Variants in ITGB5 observed in about 807,000 individuals in gnomAD.
The protein encoded by ITGB5 is integrin beta-5.
Under a neutral mutation model 84.8 loss-of-function variants are expected in ITGB5, and 38 were observed. That is an observed-to-expected ratio of 0.45 (90% CI 0.35 to 0.59). The LOEUF is 0.59. ITGB5 is among the 20% of genes least tolerant of loss of function. ITGB5 has a pLI of 0.01. For synonymous variants in ITGB5, 393 were observed against 414.4 expected (o/e 0.95, Z 0.63); for missense variants, 905 against 1,034.5 (o/e 0.87, Z 1.72).
intron 5 of ITGB5, among the ~76,000 whole-genome samples, chr3:124,828,369 A>C (rs2064813581): frequency 1.3e-5 from 2 of 152,226 alleles, no homozygotes; most frequent in South Asian, 2.1e-4. Context: ...TGGATACACT[A>C]ACGGCGTGAA....
At chr3:124,800,070 G>A (rs1341457533) in intron 9 of ITGB5, among the ~76,000 whole-genome samples, 1 of 152,168 alleles carries the variant, frequency 6.6e-6, no homozygotes, top group African/African-American at 2.4e-5. Context: ...GAGGCCCAGA[G>A]AGAAACTTGC....
intron 3 of ITGB5, among the ~76,000 whole-genome samples, chr3:124,849,691 G>C (rs2065126624): frequency 6.6e-6 from 1 of 152,142 alleles, no homozygotes; most frequent in African/African-American, 2.4e-5. Flanking sequence ...AATTAATTCA[G>C]AGGAAAAGAA....
chr3:124,858,627 C>CT (rs2065252243), intron 3 of ITGB5, among the ~76,000 whole-genome samples: 1 of 152,134 alleles, frequency 6.6e-6, no homozygotes, highest in Non-Finnish European at 1.5e-5. Context: ...CTTAGTGAAA[C>CT]AAGTCAAACT....
intron 10 of ITGB5, among the ~76,000 whole-genome samples, chr3:124,777,825 C>T (rs920281088): frequency 4.6e-5 from 7 of 152,218 alleles, no homozygotes; most frequent in Admixed American, 4.6e-4. Context: ...ACATTTTATC[C>T]CAATCCAAAT....
At chr3:124,774,056 C>T (rs2063888358) in intron 10 of ITGB5, 144 bp from the exon 11 acceptor site, 1 of 758,956 alleles carries the variant, frequency 1.3e-6, no homozygotes, top group Non-Finnish European at 2.2e-6. Context: ...GGGAGATAGA[C>T]AGAGGGCCTA....
intron 8 of ITGB5, among the ~76,000 whole-genome samples, chr3:124,814,499 C>G (rs927720003): frequency 2.7e-5 from 4 of 145,546 alleles, no homozygotes; most frequent in Admixed American, 2.1e-4. Context: ...AAAAAAGAGA[C>G]AGAGTCTCAC....
chr3:124,827,206 G>A lies in ITGB5; in HGVS notation c.781-5732C>T, dbSNP rs572533418. ...GAACAGATTCTGAGGTCAAATCTTT[G>A]CTCTGTTCTAACTGTGGGCCCCTCA... On this transcript the variant is annotated intron_variant, in intron 5 of 14. Transcript: ENST00000296181. Among the ~76,000 whole-genome samples, 17 of 152,254 alleles carry A rather than the reference G, an allele frequency of 1.1e-4. No individual in the cohort carries two copies. In the South Asian group the frequency reaches 3.5e-3, roughly 32 times the overall value.
At position 124,773,844 on chromosome 3, in the gene ITGB5, A is replaced by G; in HGVS notation, c.1762T>C (p.Ser588Pro). The change falls in exon 11 of 15, where the codon TCG becomes CCG. Residue 588 changes from serine (S) to proline (P), a missense_variant. Ser to Pro is a moderately conservative substitution (Grantham distance 74, BLOSUM62 -1). Coordinates refer to ENST00000296181, the MANE Select transcript of ITGB5 (RefSeq NM_002213.5). Reference protein sequence around the residue: ...AGYIGDNCNCSTDISTCRGRD... With the variant: ...AGYIGDNCNCPTDISTCRGRD... ...CCCCGGCATGTGCTGATGTCTGTCG[A>G]GCAGTTACAGTTGTCCCCGATGTAA... The G allele has an allele frequency of 6.2e-7, 1 of 1,614,128 alleles. No individual in the cohort carries two copies. The highest frequency in any genetic ancestry group is 8.5e-7 in the Non-Finnish European group (1 of 1,180,038).
intron 11 of ITGB5, among the ~76,000 whole-genome samples, chr3:124,771,192 A>C (rs1354244780): frequency 6.6e-6 from 1 of 152,192 alleles, no homozygotes; most frequent in Non-Finnish European, 1.5e-5. Flanking sequence ...TGTTAACTGA[A>C]ATCAGCTGGG....
chr3:124,829,793 T>C (rs1007065352), intron 5 of ITGB5, among the ~76,000 whole-genome samples: 1 of 152,174 alleles, frequency 6.6e-6, no homozygotes, highest in Non-Finnish European at 1.5e-5. Context: ...CCTACAAATA[T>C]GTTCATGGCC....
chr3:124,811,677 C>T (rs573231810), intron 8 of ITGB5, among the ~76,000 whole-genome samples: 13 of 152,346 alleles, frequency 8.5e-5, no homozygotes, highest in Admixed American at 7.8e-4. Context: ...ATGTTCTACT[C>T]AGGCCATAAG....
At chr3:124,868,417 G>A (rs952326818) in intron 2 of ITGB5, among the ~76,000 whole-genome samples, 2 of 152,010 alleles carry the variant, frequency 1.3e-5, no homozygotes, top group African/African-American at 2.4e-5. Flanking sequence ...GAGTAGGGGA[G>A]AGTCTGGCGA....
At chr3:124,833,104 C>A (rs2064882084) in intron 5 of ITGB5, 1 of 152,118 alleles carries the variant, frequency 6.6e-6, no homozygotes, top group Non-Finnish European at 1.5e-5. Context: ...TTAAAAAAAT[C>A]TGTTCTGTGG....
At chr3:124,784,180 G>T (rs2064046763) in intron 10 of ITGB5, among the ~76,000 whole-genome samples, 1 of 152,170 alleles carries the variant, frequency 6.6e-6, no homozygotes, top group Non-Finnish European at 1.5e-5. Context: ...CGTCTCAAAG[G>T]CTATCTTTGC....
chr3:124,844,433 A>G (rs1234540850), intron 4 of ITGB5, among the ~76,000 whole-genome samples: 2 of 151,960 alleles, frequency 1.3e-5, no homozygotes, highest in African/African-American at 4.8e-5. Flanking sequence ...GGTGGTGGGC[A>G]CCTGTAATCC....
At chr3:124,840,457 G>A (rs2064995452) in intron 5 of ITGB5, among the ~76,000 whole-genome samples, 1 of 151,508 alleles carries the variant, frequency 6.6e-6, no homozygotes, top group African/African-American at 2.4e-5. Context: ...ATTGTTATTG[G>A]GTTGTTTCAA....
At chr3:124,896,293 C>T (rs1935099450) in intron 1 of ITGB5, among the ~76,000 whole-genome samples, 1 of 152,208 alleles carries the variant, frequency 6.6e-6, no homozygotes, top group Non-Finnish European at 1.5e-5. Flanking sequence ...GTTTCCTCTT[C>T]TCCCAGCTTC....
At chr3:124,816,283 T>TG (rs1440818632) in intron 8 of ITGB5, among the ~76,000 whole-genome samples, 2 of 152,184 alleles carry the variant, frequency 1.3e-5, no homozygotes, top group African/African-American at 4.8e-5. Flanking sequence ...AGGGCCACAT[T>TG]GGAAGATGGA....
chr3:124,804,453 C>A (rs535534155), intron 9 of ITGB5, among the ~76,000 whole-genome samples: 1 of 151,982 alleles, frequency 6.6e-6, no homozygotes, highest in Non-Finnish European at 1.5e-5. Flanking sequence ...GAGGCTGAGG[C>A]GGGAGGATTG....
Sources: allele counts gnomAD v4.1 joint callset (sites outside exome capture counted in the v4.1 genomes callset), GRCh38; gene constraint gnomAD v4.1.1; transcripts MANE v1.5; gene names NCBI Gene and HGNC (gene_info 2026-07-23, HGNC 2026-07-21).